OR52E6: variants seen among roughly 807,000 people sequenced by gnomAD.
The protein encoded by OR52E6 is olfactory receptor 52E6.
For missense variants in OR52E6, 419 were observed against 381.5 expected, an observed-to-expected ratio of 1.10 and a Z score of -0.82; for synonymous variants, 173 against 137.3, an observed-to-expected ratio of 1.26 and a Z score of -1.82.
chr11:5,841,788 T>C lies in OR52E6; in HGVS notation c.110A>G (p.Tyr37Cys), dbSNP rs751655245. The C allele has an allele frequency of 1.4e-5, 23 of 1,613,684 alleles. No homozygotes were observed. Among genetic ancestry groups the C allele is most frequent in the Non-Finnish European group, 1.1e-5 (13 of 1,179,766 alleles). The stretch of plus-strand genomic sequence containing the variant: ...AGCATTTCCCAGGAGTGCAATAAGA[T>C]ACACAGAGAAAAAAGGGAATCCAAT... ...IWIGFPFFSVYLIALLGNAAI... is the reference protein window; with the variant it reads ...IWIGFPFFSVCLIALLGNAAI... Residue 37 changes from tyrosine (Y) to cysteine (C), a missense_variant, in exon 1 of 1, where the codon TAT (tyrosine) becomes TGT (cysteine). Coordinates refer to ENST00000329322, the MANE Select transcript of OR52E6 (RefSeq NM_001005167.2).
rs1027220043 is a variant in OR52E6 at position 5,841,352 on chromosome 11, C to T, written c.546G>A (p.Glu182=). 6.2e-7 allele frequency: 1 copy of T among 1,614,020 alleles called. No homozygotes were observed. The highest frequency in any genetic ancestry group is 2.2e-5 in the East Asian group (1 of 44,858). ...GHRIIPHTYC[E]HMGIARLACA... is the part of the protein sequence containing the mutation. ...AGGCCAGACGGGCAATGCCCATGTG[C>T]TCACAGTAAGTATGAGGGATGATAC... The change falls in exon 1 of 1, where the codon GAG becomes GAA. Residue 182 remains glutamate, a synonymous_variant. Coordinates refer to ENST00000329322, the MANE Select transcript of OR52E6 (RefSeq NM_001005167.2).
rs779296611 is a variant in OR52E6 at position 5,841,159 on chromosome 11, C to T, written c.739G>A (p.Gly247Ser). The change falls in exon 1 of 1, where the codon GGT (glycine) becomes AGT (serine). Residue 247 changes from glycine (G) to serine (S), a missense_variant. By Grantham distance (56) the Gly-to-Ser change is moderately conservative (BLOSUM62 0). Transcript: ENST00000329322. Reference protein sequence around the residue: ...KALNTCGSHIGVILAFSTPAF... With the variant: ...KALNTCGSHISVILAFSTPAF... ...GGTGTAGAAAAGGCTAAGATAACAC[C>T]AATGTGAGAGCCACAGGTGTTGAGA... 1 of 1,613,460 alleles carries T rather than the reference C, an allele frequency of 6.2e-7. No homozygotes were observed. Among genetic ancestry groups the T allele is most frequent in the African/African-American group, 1.3e-5 (1 of 74,932 alleles).
Position 5,840,987 on chromosome 11 carries a change from A to C in OR52E6, c.911T>G (p.Val304Gly). The C allele has an allele frequency of 6.3e-7, 1 of 1,586,158 alleles. No individual in the cohort carries two copies. The highest frequency in any genetic ancestry group is 8.6e-7 in the Non-Finnish European group (1 of 1,167,166). ...ATCTGTCTTGAAGAAAATCCTCAGCACTGTCTCCCTAATATGTTTGGTTCT... is the reference window on the plus strand; with the variant it reads ...ATCTGTCTTGAAGAAAATCCTCAGCCCTGTCTCCCTAATATGTTTGGTTCT... ...GVRTKHIRETVLRIFFKTDH is the reference protein window; with the variant it reads ...GVRTKHIRETGLRIFFKTDH The change falls in exon 1 of 1, where the codon GTG (valine) becomes GGG (glycine). Residue 304 changes from valine to glycine, a missense_variant. Physicochemically the swap from Val to Gly is moderately radical, Grantham distance 109. Transcript: ENST00000329322.
Position 5,841,891 on chromosome 11 carries a change from T to C in OR52E6, c.7A>G (p.Ile3Val), listed in dbSNP as rs908226741. Residue 3 changes from isoleucine (I) to valine (V), a missense_variant, in exon 1 of 1, where the codon ATA (isoleucine) becomes GTA (valine). Ile to Val is a conservative substitution (Grantham distance 29). Coordinates refer to ENST00000329322, the MANE Select transcript of OR52E6 (RefSeq NM_001005167.2). ...GTATGGAACTGGGTGTCGTTAGCTA[T>C]AGGCATTCTTTCTGTCACAAAAAGC... Reference protein sequence around the residue: MPIANDTQFHTSS... With the variant: MPVANDTQFHTSS... 4.3e-6 allele frequency: 7 copies of C among 1,610,012 alleles called. No homozygotes were observed. In the African/African-American group the frequency reaches 5.3e-5, roughly 12 times the overall value.
Position 5,841,244 on chromosome 11 carries a change from G to A in OR52E6, c.654C>T (p.Ser218=). The A allele has an allele frequency of 6.2e-7, 1 of 1,613,934 alleles. No individual in the cohort carries two copies. Among genetic ancestry groups the A allele is most frequent in the Non-Finnish European group, 8.5e-7 (1 of 1,179,988 alleles). Residue 218 remains serine, a synonymous_variant, in exon 1 of 1, where the codon TCC becomes TCT. Transcript: ENST00000329322. ...AGACAGCATAGAGGATCCTGATATG[G>A]GAGAGAATAATAAGGAGCACATCCA... ...LLLDVLLIIL[S]HIRILYAVFC...
Position 5,841,323 on chromosome 11 carries a change from G to C in OR52E6, c.575C>G (p.Ala192Gly), listed in dbSNP as rs779947373. 1.2e-6 allele frequency: 2 copies of C among 1,614,132 alleles called. No homozygotes were observed. Among genetic ancestry groups the C allele is most frequent in the Admixed American group, 1.7e-5 (1 of 59,992 alleles). Residue 192 changes from alanine (A) to glycine (G), a missense_variant, in exon 1 of 1, where the codon GCC becomes GGC. Coordinates refer to ENST00000329322, the MANE Select transcript of OR52E6 (RefSeq NM_001005167.2). ...EHMGIARLAC[A>G]SIKVNIMFGL... ...AAACATAATGTTGACTTTGATGCTG[G>C]CACAGGCCAGACGGGCAATGCCCAT...
rs1846604776 is a variant in OR52E6, at chr11:5,841,062, T to A, written c.836A>T (p.Asn279Ile). 6.2e-7 allele frequency: 1 copy of A among 1,613,882 alleles called. No homozygotes were observed. The highest frequency in any genetic ancestry group is 1.3e-5 in the African/African-American group (1 of 75,038). ...GGTGGGAGGAACAACCACATATAGA[T>A]TAGCCAAGAAAATGTGGATATATTG... ...IPQYIHIFLANLYVVVPPTLN... is the reference protein window; with the variant it reads ...IPQYIHIFLAILYVVVPPTLN... The change falls in exon 1 of 1, where the codon AAT becomes ATT. Residue 279 changes from asparagine (N) to isoleucine (I), a missense_variant. Asn to Ile is a moderately radical substitution (Grantham distance 149). Transcript: ENST00000329322.
Position 5,841,089 on chromosome 11 carries a change from G to A in OR52E6, c.809C>T (p.Pro270Leu). The change falls in exon 1 of 1, where the codon CCC (proline) becomes CTC (leucine). Residue 270 changes from proline to leucine, a missense_variant. Coordinates refer to ENST00000329322, the MANE Select transcript of OR52E6 (RefSeq NM_001005167.2). The part of the protein sequence containing the change: ...FFTHCFGHDI[P>L]QYIHIFLANL... ...AGCCAAGAAAATGTGGATATATTGG[G>A]GAATATCATGGCCAAAGCAGTGTGT... 2 of 1,613,910 alleles carry A rather than the reference G, an allele frequency of 1.2e-6. No homozygotes were observed. The highest frequency in any genetic ancestry group is 2.2e-5 in the South Asian group (2 of 91,044).
In OR52E6 at chr11:5,841,132, C is replaced by T. The variant is rs1211756957; in HGVS notation, c.766G>A (p.Ala256Thr). ...IGVILAFSTP[A>T]FFSFFTHCFG... is the part of the protein sequence containing the mutation. ...CAGTGTGTAAAGAAAGAGAAAAATG[C>T]TGGTGTAGAAAAGGCTAAGATAACA... The change falls in exon 1 of 1, where the codon GCA (alanine) becomes ACA (threonine). Residue 256 changes from alanine (A) to threonine (T), a missense_variant. Coordinates refer to ENST00000329322, the MANE Select transcript of OR52E6 (RefSeq NM_001005167.2). The T allele has an allele frequency of 6.2e-7, 1 of 1,613,310 alleles. No individual in the cohort carries two copies. Among genetic ancestry groups the T allele is most frequent in the South Asian group, 1.1e-5 (1 of 90,956 alleles).
In OR52E6 at chr11:5,841,140, GA is replaced by G. The variant is rs1564979522; in HGVS notation, c.757del (p.Ser253LeufsTer39). The part of the protein sequence containing the change: ...GSHIGVILAF[S>X]TPAFFSFFTH... ...AAAGAAAGAGAAAAATGCTGGTGTA[GA>G]AAAGGCTAAGATAACACCAATGTGA... On this transcript the variant is annotated frameshift_variant, in exon 1 of 1. Transcript: ENST00000329322. LOFTEE classifies it low-confidence loss of function (END_TRUNC). 12 of 1,613,694 alleles carry G rather than the reference GA, an allele frequency of 7.4e-6. No individual in the cohort carries two copies. The highest frequency in any genetic ancestry group is 9.3e-6 in the Non-Finnish European group (11 of 1,179,852).
At position 5,841,037 on chromosome 11, in the gene OR52E6, G is replaced by A. The variant is rs1334330963; in HGVS notation, c.861C>T (p.Thr287=). 6.2e-7 allele frequency: 1 copy of A among 1,613,296 alleles called. No individual in the cohort carries two copies. Among genetic ancestry groups the A allele is most frequent in the African/African-American group, 1.3e-5 (1 of 74,868 alleles). The stretch of plus-strand genomic sequence containing the variant: ...TGACCCCATAGATTACAGGATTGAG[G>A]GTGGGAGGAACAACCACATATAGAT... The part of the protein sequence containing the change: ...LANLYVVVPP[T]LNPVIYGVRT... Residue 287 remains threonine (T), a synonymous_variant, in exon 1 of 1, where the codon ACC becomes ACT. Coordinates refer to ENST00000329322, the MANE Select transcript of OR52E6 (RefSeq NM_001005167.2).
At position 5,841,707 on chromosome 11, in the gene OR52E6, C is replaced by CAGT; in HGVS notation, c.188_190dup (p.Tyr63dup). ...GTCAATGGAATCCAACATGGCCAGGCAGTAGTACATGGGCTCATGGAGACT... is the reference window on the plus strand; with the variant it reads ...GTCAATGGAATCCAACATGGCCAGGCAGTAGTAGTACATGGGCTCATGGAGACT... On this transcript the variant is annotated inframe_insertion, in exon 1 of 1. Transcript: ENST00000329322. The CAGT allele has an allele frequency of 6.2e-7, 1 of 1,613,178 alleles. No individual in the cohort carries two copies. Among genetic ancestry groups the CAGT allele is most frequent in the Non-Finnish European group, 8.5e-7 (1 of 1,179,580 alleles).
Position 5,841,735 on chromosome 11 carries a change from G to C in OR52E6, c.163C>G (p.Gln55Glu), listed in dbSNP as rs61739208. The change falls in exon 1 of 1, where the codon CAG (glutamine) becomes GAG (glutamate). Residue 55 changes from glutamine (Q) to glutamate (E), a missense_variant. Physicochemically the swap from Gln to Glu is conservative, Grantham distance 29. Coordinates refer to ENST00000329322, the MANE Select transcript of OR52E6 (RefSeq NM_001005167.2). Reference protein sequence around the residue: ...AAIFFVIQTEQSLHEPMYYCL... With the variant: ...AAIFFVIQTEESLHEPMYYCL... ...TAGTACATGGGCTCATGGAGACTCT[G>C]CTCAGTTTGGATCACAAAGAAGATA... The C allele has an allele frequency of 9.2e-4, 1,480 of 1,613,810 alleles. 21 individuals carry two copies. In the African/African-American group the frequency reaches 0.017, roughly 19 times the overall value.
Position 5,841,780 on chromosome 11 carries a change from C to A in OR52E6, c.118G>T (p.Ala40Ser). The A allele has an allele frequency of 6.2e-7, 1 of 1,613,744 alleles. No homozygotes were observed. The highest frequency in any genetic ancestry group is 1.3e-5 in the African/African-American group (1 of 74,982). ...GFPFFSVYLI[A>S]LLGNAAIFFV... ...AAGATAGCAGCATTTCCCAGGAGTG[C>A]AATAAGATACACAGAGAAAAAAGGG... Residue 40 changes from alanine (A) to serine (S), a missense_variant, in exon 1 of 1, where the codon GCA (alanine) becomes TCA (serine). Transcript: ENST00000329322.
Position 5,841,044 on chromosome 11 carries a change from G to A in OR52E6, c.854C>T (p.Pro285Leu), listed in dbSNP as rs1336454727. 2.5e-6 allele frequency: 4 copies of A among 1,613,494 alleles called. No homozygotes were observed. The African/African-American group carries it at 4.0e-5, about 16-fold the overall frequency. The change falls in exon 1 of 1, where the codon CCT becomes CTT. Residue 285 changes from proline (P) to leucine (L), a missense_variant. Pro to Leu is a moderately conservative substitution (Grantham distance 98, BLOSUM62 -3). Transcript: ENST00000329322. ...IFLANLYVVV[P>L]PTLNPVIYGV... is the part of the protein sequence containing the mutation. Reference sequence around the variant, plus strand: ...ATAGATTACAGGATTGAGGGTGGGAGGAACAACCACATATAGATTAGCCAA... The same window carrying A: ...ATAGATTACAGGATTGAGGGTGGGAAGAACAACCACATATAGATTAGCCAA...
Position 5,841,390 on chromosome 11 carries a change from A to C in OR52E6, c.508T>G (p.Phe170Val). 1.2e-6 allele frequency: 2 copies of C among 1,614,194 alleles called. No homozygotes were observed. The highest frequency in any genetic ancestry group is 2.2e-5 in the South Asian group (2 of 91,092). ...PLVFLLLRLP[F>V]CGHRIIPHTY... ...TGAGGGATGATACGATGTCCACAGA[A>C]GGGCAACCTTAAGAGGAGAAACACC... Residue 170 changes from phenylalanine (F) to valine (V), a missense_variant, in exon 1 of 1, where the codon TTC (phenylalanine) becomes GTC (valine). Coordinates refer to ENST00000329322, the MANE Select transcript of OR52E6 (RefSeq NM_001005167.2).
chr11:5,841,866 G>GTA lies in OR52E6; in HGVS notation c.30_31dup (p.Thr11IlefsTer13), dbSNP rs530128204. On this transcript the variant is annotated frameshift_variant, in exon 1 of 1. Coordinates refer to ENST00000329322, the MANE Select transcript of OR52E6 (RefSeq NM_001005167.2). LOFTEE classifies it low-confidence loss of function (END_TRUNC). The stretch of plus-strand genomic sequence containing the variant: ...GATACCCAGCAGTAGGAATGAAGAA[G>GTA]TATGGAACTGGGTGTCGTTAGCTAT... 1,617 of 1,613,688 alleles carry GTA rather than the reference G, an allele frequency of 1.0e-3. 16 individuals are homozygous for GTA. In the African/African-American group the frequency reaches 0.018, roughly 18 times the overall value.
rs1846615740 is a variant in OR52E6 at position 5,841,793 on chromosome 11, A to G, written c.105T>C (p.Ser35=). Residue 35 remains serine (S), a synonymous_variant, in exon 1 of 1, where the codon TCT becomes TCC. Coordinates refer to ENST00000329322, the MANE Select transcript of OR52E6 (RefSeq NM_001005167.2). ...VHIWIGFPFF[S]VYLIALLGNA... is the part of the protein sequence containing the mutation. ...TTCCCAGGAGTGCAATAAGATACAC[A>G]GAGAAAAAAGGGAATCCAATCCAGA... 1.2e-6 allele frequency: 2 copies of G among 1,613,772 alleles called. No homozygotes were observed. Among genetic ancestry groups the G allele is most frequent in the South Asian group, 2.2e-5 (2 of 91,064 alleles).
chr11:5,841,445 G>T lies in OR52E6; in HGVS notation c.453C>A (p.Val151=), dbSNP rs1302514741. ...KIISLIAGIA[V]LRSLYMVIPL... is the part of the protein sequence containing the mutation. The stretch of plus-strand genomic sequence containing the variant: ...GAATGACCATGTACAAGCTCCTCAG[G>T]ACAGCAATGCCTGCAATGAGGCTGA... Residue 151 remains valine, a synonymous_variant, in exon 1 of 1, where the codon GTC becomes GTA. Transcript: ENST00000329322. 3 of 1,614,158 alleles carry T rather than the reference G, an allele frequency of 1.9e-6. No individual in the cohort carries two copies. The highest frequency in any genetic ancestry group is 2.5e-6 in the Non-Finnish European group (3 of 1,180,008).
Sources: gnomAD v4.1 joint callset for allele counts on GRCh38, gnomAD v4.1.1 for gene constraint, MANE v1.5 for transcripts, NCBI Gene and HGNC (gene_info 2026-07-23, HGNC 2026-07-21) for gene names.